FGF13: variants seen among roughly 807,000 people sequenced by gnomAD.
FGF13 encodes the protein fibroblast growth factor 13.
In FGF13, 2 loss-of-function variants were observed where a neutral mutation model predicts 19.5. The observed-to-expected ratio is 0.10, with a 90% CI of 0.04 to 0.32. The LOEUF is 0.32. FGF13 is among the 10% of genes least tolerant of loss of function. FGF13 has a pLI of 1.00. For missense variants in FGF13, 113 were observed against 192.7 expected (o/e 0.59, Z 2.45); for synonymous variants, 72 against 76.9 (o/e 0.94, Z 0.33).
intron 3 of FGF13, among the ~76,000 whole-genome samples, chrX:138,781,532 C>A (rs774021833): frequency 9.1e-6 from 1 of 109,609 alleles, no homozygotes; most frequent in East Asian, 2.9e-4. Context: ...GAGAATACTA[C>A]AAACACCTCT....
intron 2 of FGF13, among the ~76,000 whole-genome samples, chrX:138,708,511 G>A (rs2090013273): frequency 8.9e-6 from 1 of 111,903 alleles, no homozygotes; most frequent in Non-Finnish European, 1.9e-5. Context: ...CAGTGTGTGG[G>A]TGAGTAAATT....
At chrX:138,953,320 T>G (rs944213589) in intron 1 of FGF13, among the ~76,000 whole-genome samples, 2 of 110,270 alleles carry the variant, frequency 1.8e-5, no homozygotes, top group Non-Finnish European at 3.8e-5. Flanking sequence ...GAGCAAACTA[T>G]CGCAAGGACA....
intron 3 of FGF13, among the ~76,000 whole-genome samples, chrX:138,758,609 G>A (rs1186406234): frequency 9.0e-6 from 1 of 111,203 alleles, no homozygotes. Context: ...CAAGGCCCTT[G>A]GCATACCATG....
At chrX:138,911,472 G>A (rs892221515) in intron 1 of FGF13, among the ~76,000 whole-genome samples, 18 of 109,875 alleles carry the variant, frequency 1.6e-4, no homozygotes, top group African/African-American at 6.0e-4. Context: ...GAGAGTGGTG[G>A]GGGGAGGCAG....
chrX:138,634,945 A>C (rs1046234554), intron 4 of FGF13, among the ~76,000 whole-genome samples: 5 of 112,465 alleles, frequency 4.4e-5, no homozygotes, highest in Non-Finnish European at 7.5e-5. Context: ...CTGCACAGGT[A>C]TGTTTATAGC....
chrX:138,789,075 T>G (rs780767166), intron 3 of FGF13, among the ~76,000 whole-genome samples: 3 of 112,570 alleles, frequency 2.7e-5, no homozygotes, highest in Non-Finnish European at 5.6e-5. Context: ...CATTGTCTAG[T>G]AACATGTTCC....
intron 3 of FGF13, among the ~76,000 whole-genome samples, chrX:138,807,962 A>C (rs2090885316): frequency 9.0e-6 from 1 of 111,626 alleles, no homozygotes. Flanking sequence ...AGACCTACAA[A>C]GAGACTTAGA....
intron 3 of FGF13, among the ~76,000 whole-genome samples, chrX:138,768,398 G>T (rs1009881323): frequency 9.1e-6 from 1 of 110,467 alleles, no homozygotes; most frequent in Non-Finnish European, 1.9e-5. Context: ...ATTTAGGATA[G>T]AGGTTACCCT....
intron 1 of FGF13, among the ~76,000 whole-genome samples, chrX:139,036,443 C>T (rs2092250904): frequency 9.0e-6 from 1 of 111,298 alleles, no homozygotes; most frequent in Admixed American, 9.6e-5. Flanking sequence ...TTCTTTTTAG[C>T]CCCAGAATTG....
At chrX:139,166,245 T>C (rs1220790710) in intron 1 of FGF13, among the ~76,000 whole-genome samples, 2 of 111,866 alleles carry the variant, frequency 1.8e-5, no homozygotes, top group Non-Finnish European at 3.8e-5. Flanking sequence ...ACCCCTATGC[T>C]ATTCTCGTGA....
intron 1 of FGF13, among the ~76,000 whole-genome samples, chrX:139,163,904 A>G (rs2084056775): frequency 9.0e-6 from 1 of 111,321 alleles, no homozygotes; most frequent in Non-Finnish European, 1.9e-5. Context: ...TTAAGTTGGA[A>G]TAACTGAGCA....
chrX:138,776,216 A>C (rs894359673), intron 3 of FGF13, among the ~76,000 whole-genome samples: 1 of 112,363 alleles, frequency 8.9e-6, no homozygotes, highest in Non-Finnish European at 1.9e-5. Flanking sequence ...TGGGATTGGC[A>C]AATTGTGACC....
At chrX:138,783,748 T>A (rs1241618812) in intron 3 of FGF13, among the ~76,000 whole-genome samples, 1 of 107,555 alleles carries the variant, frequency 9.3e-6, no homozygotes, top group Non-Finnish European at 1.9e-5. Context: ...ATTGTGGAAG[T>A]CAGTGTGGCG....
chrX:139,203,919 C>T (rs1328467146), upstream of FGF13: 4 of 597,675 alleles, frequency 6.7e-6, no homozygotes, highest in African/African-American at 4.6e-5. Context: ...TCTGCCCCCC[C>T]TTTTCTCCCG....
At chrX:138,987,176 G>C (rs778138670) in intron 1 of FGF13, among the ~76,000 whole-genome samples, 2 of 112,424 alleles carry the variant, frequency 1.8e-5, no homozygotes, top group African/African-American at 6.5e-5. Context: ...CAAATGTTGT[G>C]TCACATCCAT....
chrX:138,818,919 G>T (rs1294614358), intron 3 of FGF13, among the ~76,000 whole-genome samples: 1 of 111,785 alleles, frequency 8.9e-6, no homozygotes, highest in African/African-American at 3.2e-5. Context: ...CAGGAGGCTA[G>T]AGAATTGTAT....
chrX:139,061,513 C>A (rs1054307567), intron 1 of FGF13, among the ~76,000 whole-genome samples: 1 of 111,667 alleles, frequency 9.0e-6, no homozygotes, highest in Admixed American at 9.5e-5. Context: ...CCATGTGATG[C>A]CATCCACAAT....
chrX:138,701,030 G>A (rs1369509205), intron 3 of FGF13, among the ~76,000 whole-genome samples: 3 of 111,863 alleles, frequency 2.7e-5, no homozygotes, highest in African/African-American at 9.7e-5. Context: ...TTCTTGAGTG[G>A]GGGCACCTGA....
intron 3 of FGF13, among the ~76,000 whole-genome samples, chrX:138,702,777 TA>T (rs1196397780): frequency 8.9e-6 from 1 of 112,736 alleles, no homozygotes; most frequent in Non-Finnish European, 1.9e-5. Flanking sequence ...AATCTTTGAT[TA>T]TATACTAAAA....
Sources: allele counts gnomAD v4.1 joint callset (sites outside exome capture counted in the v4.1 genomes callset), GRCh38; gene constraint gnomAD v4.1.1; transcripts MANE v1.5; gene names NCBI Gene and HGNC (gene_info 2026-07-23, HGNC 2026-07-21).